The following RIC3 variants were observed in gnomAD, a reference collection of about 807,000 sequenced individuals.
The protein encoded by RIC3 is RIC3 acetylcholine receptor chaperone.
Under a neutral mutation model 27.3 loss-of-function variants are expected in RIC3, and 28 were observed. The ratio of observed to expected loss-of-function variants is 1.02; its 90% CI spans 0.76 to 1.41. The LOEUF (loss-of-function observed/expected upper bound fraction) is 1.41, where lower values mean the gene tolerates loss of function less well. Ranked by LOEUF, RIC3 falls within the 40% of genes most tolerant of loss-of-function variation. The pLI is 0.00. For synonymous variants in RIC3, 184 were observed against 160.4 expected, an observed-to-expected ratio of 1.15 and a Z score of -1.11; for missense variants, 501 against 444.7, an observed-to-expected ratio of 1.13 and a Z score of -1.14.
At chr11:8,141,336 T>C (rs973489528) in intron 1 of RIC3, among the ~76,000 whole-genome samples, 1 of 151,846 alleles carries the variant, frequency 6.6e-6, no homozygotes, top group Non-Finnish European at 1.5e-5. Context: ...TGGAGGAAGA[T>C]CTACCAAGCA....
intron 1 of RIC3, among the ~76,000 whole-genome samples, chr11:8,155,771 T>A (rs913381795): frequency 6.6e-6 from 1 of 152,164 alleles, no homozygotes; most frequent in African/African-American, 2.4e-5. Flanking sequence ...TGTTTCTATT[T>A]TAATAAAAAA....
the RIC3 span, chr11:8,098,867 G>A: frequency 6.2e-7 from 1 of 1,612,644 alleles, no homozygotes; most frequent in South Asian, 1.1e-5. Context: ...GCTGGCAGCT[G>A]TGTGCTACGT....
chr11:8,146,940 T>C (rs1949744594), intron 1 of RIC3, among the ~76,000 whole-genome samples: 1 of 152,156 alleles, frequency 6.6e-6, no homozygotes. Flanking sequence ...TTGTAAAATG[T>C]TTCTTACATG....
At chr11:8,113,013 G>C (rs1361783989) in intron 5 of RIC3, among the ~76,000 whole-genome samples, 2 of 152,212 alleles carry the variant, frequency 1.3e-5, no homozygotes, top group Non-Finnish European at 1.5e-5. Flanking sequence ...TATAAAGACT[G>C]TCCATCTTAT....
intron 1 of RIC3, among the ~76,000 whole-genome samples, chr11:8,144,470 C>A (rs1163972803): frequency 6.8e-6 from 1 of 146,946 alleles, no homozygotes; most frequent in Non-Finnish European, 1.5e-5. Context: ...CAAATCAAAA[C>A]CACAATGAGA....
At position 8,109,569 on chromosome 11, in the gene RIC3, C is replaced by T. The variant is rs1047530039; in HGVS notation, c.*1129G>A. 2 of 152,132 alleles carry T rather than the reference C, an allele frequency of 1.3e-5. No homozygotes were observed. The highest frequency in any genetic ancestry group is 4.8e-5 in the African/African-American group (2 of 41,422). 9.4% of individuals were successfully genotyped at this position (152,132 alleles called of 1,614,324 possible). ...AACACATGGTCTCTACCCCTGGGCA[C>T]TGCTATATTGGTTCTCTGCAACAGA... On this transcript the variant is annotated 3_prime_UTR_variant, in exon 6 of 6. Coordinates refer to ENST00000309737, the MANE Select transcript of RIC3 (RefSeq NM_001206671.4).
chr11:8,102,960 T>C (rs1430252650), downstream of RIC3: 1 of 152,214 alleles, frequency 6.6e-6, no homozygotes, highest in Non-Finnish European at 1.5e-5. Context: ...ATTCAGAGAC[T>C]TAGAAGCATC....
At chr11:8,150,631 T>C (rs929689253) in intron 1 of RIC3, among the ~76,000 whole-genome samples, 1 of 152,068 alleles carries the variant, frequency 6.6e-6, no homozygotes, top group African/African-American at 2.4e-5. Context: ...ATTGTATTTA[T>C]GTGGAAAAAA....
At chr11:8,131,439 G>A (rs1947690863) in intron 4 of RIC3, among the ~76,000 whole-genome samples, 1 of 152,118 alleles carries the variant, frequency 6.6e-6, no homozygotes, top group South Asian at 2.1e-4. Context: ...GATGACAAAT[G>A]CCATCTTGGA....
chr11:8,104,158 A>G (rs755885399), downstream of RIC3: 4 of 152,310 alleles, frequency 2.6e-5, no homozygotes, highest in Non-Finnish European at 5.9e-5. Flanking sequence ...CTCTCCCACA[A>G]TAAGAGTTCT....
Position 8,128,519 on chromosome 11 carries a change from A to T in RIC3, c.522-1712T>A, listed in dbSNP as rs577822149. The stretch of plus-strand genomic sequence containing the variant: ...CTACCTTATGACATCTTCTGAATTT[A>T]TTGCAATGAATATTTTCATGGATTC... On this transcript the variant is annotated intron_variant, in intron 4 of 5. Coordinates refer to ENST00000309737, the MANE Select transcript of RIC3 (RefSeq NM_001206671.4). Among the ~76,000 whole-genome samples, 14 of 152,248 alleles carry T rather than the reference A, an allele frequency of 9.2e-5. No homozygotes were observed. The East Asian group carries it at 2.7e-3, about 29-fold the overall frequency.
At chr11:8,133,775 G>A (rs1948025808) in intron 4 of RIC3, among the ~76,000 whole-genome samples, 1 of 152,184 alleles carries the variant, frequency 6.6e-6, no homozygotes. Context: ...ACAGTAGTTA[G>A]AGGTTATAGT....
chr11:8,111,046 T>C lies in RIC3; in HGVS notation c.762A>G (p.Lys254=), dbSNP rs1945195699. Residue 254 remains lysine, a synonymous_variant, in exon 6 of 6, where the codon AAA becomes AAG. Transcript: ENST00000309737. The part of the protein sequence containing the change: ...ETILVDYPDP[K]ELSAEEIAER... ...CAGCTATTTCTTCAGCAGAAAGTTC[T>C]TTTGGGTCAGGGTAATCCACCAAGA... 2 of 1,614,198 alleles carry C rather than the reference T, an allele frequency of 1.2e-6. No homozygotes were observed. Among genetic ancestry groups the C allele is most frequent in the Non-Finnish European group, 8.5e-7 (1 of 1,180,008 alleles).
intron 1 of RIC3, among the ~76,000 whole-genome samples, chr11:8,163,637 A>G (rs924022711): frequency 6.6e-6 from 1 of 152,138 alleles, no homozygotes; most frequent in African/African-American, 2.4e-5. Flanking sequence ...ACTTATGAAT[A>G]TATTTAACAA....
intron 5 of RIC3, among the ~76,000 whole-genome samples, chr11:8,121,446 T>A (rs1322211017): frequency 6.6e-6 from 1 of 152,186 alleles, no homozygotes; most frequent in Admixed American, 6.5e-5. Flanking sequence ...CCAGGCGCAG[T>A]GGCTCACGTC....
chr11:8,152,224 A>T lies in RIC3; in HGVS notation c.125-12031T>A, dbSNP rs183747293. Among the ~76,000 whole-genome samples, 21 of 152,306 alleles carry T rather than the reference A, an allele frequency of 1.4e-4. No homozygotes were observed. In the East Asian group the frequency reaches 4.0e-3, roughly 29 times the overall value. On this transcript the variant is annotated intron_variant, in intron 1 of 5. Transcript: ENST00000309737. ...AAGGTTAAACATAGAGGACCATGTG[A>T]CCCAGAAATTCCACTCTTAGGTATA...
chr11:8,152,809 G>A (rs1365309671), intron 1 of RIC3, among the ~76,000 whole-genome samples: 1 of 151,494 alleles, frequency 6.6e-6, no homozygotes, highest in East Asian at 1.9e-4. Context: ...ACTCTCATAT[G>A]CTTCAAATTG....
Position 8,126,744 on chromosome 11 carries a change from G to A in RIC3, c.585C>T (p.Thr195=), listed in dbSNP as rs1453525160. ...TGAATTTTCCTTCTTTCATGACCCT[G>A]GTGATTTCTCGGAGCTGATGTAGCA... ...KRLLHQLREI[T]RVMKEGKFID... is the part of the protein sequence containing the mutation. Residue 195 remains threonine, a synonymous_variant, in exon 5 of 6, where the codon ACC becomes ACT. Coordinates refer to ENST00000309737, the MANE Select transcript of RIC3 (RefSeq NM_001206671.4). 1 of 1,613,986 alleles carries A rather than the reference G, an allele frequency of 6.2e-7. No homozygotes were observed. The highest frequency in any genetic ancestry group is 2.2e-5 in the East Asian group (1 of 44,878).
intron 5 of RIC3, among the ~76,000 whole-genome samples, chr11:8,124,982 G>A (rs1424856341): frequency 6.6e-6 from 1 of 152,126 alleles, no homozygotes; most frequent in Non-Finnish European, 1.5e-5. Context: ...GGCTGGGCAC[G>A]GCGGCTCACA....
Sources: allele counts gnomAD v4.1 joint callset (sites outside exome capture counted in the v4.1 genomes callset), GRCh38; gene constraint gnomAD v4.1.1; transcripts MANE v1.5; gene names NCBI Gene and HGNC (gene_info 2026-07-23, HGNC 2026-07-21).